Variants in CNOT6L observed in about 807,000 individuals in gnomAD.
CNOT6L encodes CCR4-NOT transcription complex subunit 6-like.
A neutral mutation model predicts 64.0 loss-of-function variants in CNOT6L; 7 were observed. The observed-to-expected ratio is 0.11, with a 90% CI of 0.06 to 0.21. CNOT6L has a LOEUF of 0.21. CNOT6L is among the 10% of genes least tolerant of loss of function. CNOT6L has a pLI of 1.00. For missense variants in CNOT6L, 245 were observed against 669.0 expected (o/e 0.37, Z 6.99); for synonymous variants, 193 against 243.4 (o/e 0.79, Z 1.93).
intron 2 of CNOT6L, among the ~76,000 whole-genome samples, chr4:77,774,962 G>A (rs1441371726): frequency 6.6e-6 from 1 of 152,174 alleles, no homozygotes; most frequent in Non-Finnish European, 1.5e-5. Context: ...ATGAGAAGTG[G>A]CAAAATGTGG....
At chr4:77,781,930 C>T (rs1260354145) in intron 1 of CNOT6L, among the ~76,000 whole-genome samples, 28 of 152,088 alleles carry the variant, frequency 1.8e-4, no homozygotes. Flanking sequence ...AAATCTCACC[C>T]AAAATACAAA....
chr4:77,736,364 A>C (rs532209739), intron 8 of CNOT6L, among the ~76,000 whole-genome samples: 2 of 152,368 alleles, frequency 1.3e-5, no homozygotes, highest in South Asian at 4.1e-4. Flanking sequence ...TGAGATTTCT[A>C]GCATTAGTGC....
intron 1 of CNOT6L, among the ~76,000 whole-genome samples, chr4:77,812,119 T>C (rs536691835): frequency 1.5e-3 from 230 of 152,248 alleles, no homozygotes; most frequent in African/African-American, 5.4e-3. Context: ...ATGATATTTG[T>C]ATGTAGAAAA....
Position 77,755,223 on chromosome 4 carries a change from GTTTTTTTTTTTT to G in CNOT6L, c.490+1627_490+1638del, listed in dbSNP as rs869054667. 1.8e-4 allele frequency among the ~76,000 whole-genome samples: 13 copies of G among 70,430 alleles called. No individual in the cohort carries two copies. In the South Asian group the frequency reaches 7.5e-3, roughly 40 times the overall value. The allele number at this position is 70,430 out of a possible 152,430, so 46.2% of individuals were successfully genotyped here. ...ACTGGCTACATCTATAGAGACAAGA[GTTTTTTTTTTTT>G]TTTTTTTTTTTTTTTTTTTTTTTGA... On this transcript the variant is annotated intron_variant, in intron 5 of 11. Coordinates refer to ENST00000504123, the MANE Select transcript of CNOT6L (RefSeq NM_144571.3).
intron 1 of CNOT6L, among the ~76,000 whole-genome samples, chr4:77,816,480 C>CT (rs923981899): frequency 5.9e-5 from 9 of 152,090 alleles, no homozygotes; most frequent in African/African-American, 2.2e-4. Flanking sequence ...ACAACACACA[C>CT]TTTAAGAAAA....
At chr4:77,816,387 C>T (rs1733579234) in intron 1 of CNOT6L, among the ~76,000 whole-genome samples, 1 of 152,084 alleles carries the variant, frequency 6.6e-6, no homozygotes, top group East Asian at 1.9e-4. Flanking sequence ...TAAAAAGTAT[C>T]ATTTATAGTT....
At chr4:77,759,596 T>C (rs1447719793) in intron 4 of CNOT6L, among the ~76,000 whole-genome samples, 1 of 148,236 alleles carries the variant, frequency 6.7e-6, no homozygotes. Context: ...ACAACCAAGA[T>C]GGGTTGAAAG....
At chr4:77,768,474 A>AATAAATATATATATATAT (rs1215170210) in intron 4 of CNOT6L, among the ~76,000 whole-genome samples, 18 of 13,002 alleles carry the variant, frequency 1.4e-3, no homozygotes, top group Non-Finnish European at 3.6e-3. Flanking sequence ...AAAATAAATA[A>AATAAATATATATATATAT]ATATATATAT....
At chr4:77,737,983 G>A (rs760972223) in intron 8 of CNOT6L, among the ~76,000 whole-genome samples, 12 of 152,070 alleles carry the variant, frequency 7.9e-5, no homozygotes, top group Non-Finnish European at 1.6e-4. Context: ...CCAGTGAGAT[G>A]GGAGTATCAC....
intron 1 of CNOT6L, among the ~76,000 whole-genome samples, chr4:77,805,909 T>C (rs547109969): frequency 6.6e-6 from 1 of 152,334 alleles, no homozygotes; most frequent in African/African-American, 2.4e-5. Context: ...CAGGCAACGA[T>C]AGAAATCACT....
intron 1 of CNOT6L, among the ~76,000 whole-genome samples, chr4:77,809,167 A>C (rs1338633508): frequency 1.3e-5 from 2 of 152,152 alleles, no homozygotes; most frequent in Non-Finnish European, 2.9e-5. Context: ...AGAGCTGGAA[A>C]GTGGAGGACC....
chr4:77,809,589 T>C (rs959416820), intron 1 of CNOT6L, among the ~76,000 whole-genome samples: 2 of 152,166 alleles, frequency 1.3e-5, no homozygotes, highest in Admixed American at 6.5e-5. Flanking sequence ...AAGTAATTTC[T>C]GAGTTTTGCT....
intron 4 of CNOT6L, among the ~76,000 whole-genome samples, chr4:77,772,704 C>T (rs1439252072): frequency 6.6e-6 from 1 of 152,032 alleles, no homozygotes; most frequent in Non-Finnish European, 1.5e-5. Flanking sequence ...CGGCGGATCA[C>T]GAGGTCAGGA....
At chr4:77,785,796 TA>T (rs1270579437) in intron 1 of CNOT6L, among the ~76,000 whole-genome samples, 1 of 152,002 alleles carries the variant, frequency 6.6e-6, no homozygotes, top group African/African-American at 2.4e-5. Flanking sequence ...CAAGGGGGAT[TA>T]AAAGAAAACT....
rs149518331 is a variant in CNOT6L at position 77,808,895 on chromosome 4, T to C, written c.5+10409A>G. Among the ~76,000 whole-genome samples the C allele has an allele frequency of 5.3e-3, 809 of 152,292 alleles. 5 individuals are homozygous for C. The highest frequency in any genetic ancestry group is 0.011 in the South Asian group (55 of 4,820). ...AAACATCCTATAAATGTAAGCATTA[T>C]AGTATAAGAGTGTTTTAAATTCAAA... is the stretch of plus-strand genomic sequence containing the variant. On this transcript the variant is annotated intron_variant, in intron 1 of 11. Transcript: ENST00000504123.
intron 1 of CNOT6L, among the ~76,000 whole-genome samples, chr4:77,791,136 G>A (rs1412633726): frequency 6.6e-6 from 1 of 152,058 alleles, no homozygotes; most frequent in Non-Finnish European, 1.5e-5. Flanking sequence ...AAATTAGCCA[G>A]GCATGATGGT....
At chr4:77,737,299 C>CT (rs1260424311) in intron 8 of CNOT6L, among the ~76,000 whole-genome samples, 3 of 151,708 alleles carry the variant, frequency 2.0e-5, no homozygotes, top group Admixed American at 1.3e-4. Flanking sequence ...TTCTTGGTCC[C>CT]TTTAAGTAAT....
At chr4:77,728,239 A>G (rs994599914) in intron 10 of CNOT6L, among the ~76,000 whole-genome samples, 6 of 152,228 alleles carry the variant, frequency 3.9e-5, no homozygotes, top group African/African-American at 1.4e-4. Flanking sequence ...AGTTGCTAAC[A>G]TTATTAAACT....
At chr4:77,771,114 G>A (rs986285463) in intron 4 of CNOT6L, among the ~76,000 whole-genome samples, 1 of 152,200 alleles carries the variant, frequency 6.6e-6, no homozygotes, top group Non-Finnish European at 1.5e-5. Context: ...GAGGTCGGGA[G>A]TTCAAGATCA....
Sources: gnomAD v4.1 joint callset for allele counts (sites outside exome capture counted in the v4.1 genomes callset) on GRCh38, gnomAD v4.1.1 for gene constraint, MANE v1.5 for transcripts, NCBI Gene and HGNC (gene_info 2026-07-23, HGNC 2026-07-21) for gene names.